PCDHGA4: variants seen among roughly 807,000 people sequenced by gnomAD.
PCDHGA4 encodes protocadherin gamma-A4.
Under a neutral mutation model 54.6 loss-of-function variants are expected in PCDHGA4, and 38 were observed. That is an observed-to-expected ratio of 0.70 (90% CI 0.54 to 0.91). The LOEUF (loss-of-function observed/expected upper bound fraction) is 0.91. PCDHGA4 is among the 40% of genes least tolerant of loss of function. The pLI is 0.00. For missense variants in PCDHGA4, 1,298 were observed against 1,220.9 expected (o/e 1.06, Z -0.94); for synonymous variants, 511 against 512.9 (o/e 1.00, Z 0.05).
chr5:141,374,574 T>C, intron 1 of PCDHGA4: 1 of 1,613,746 alleles, frequency 6.2e-7, no homozygotes, highest in Non-Finnish European at 8.5e-7. Flanking sequence ...GATGTGGGAA[T>C]GAACTCCCTT....
At chr5:141,422,716 G>T (rs1348237465) in intron 1 of PCDHGA4, 1 of 1,604,378 alleles carries the variant, frequency 6.2e-7, no homozygotes, top group African/African-American at 1.3e-5. Context: ...GGATGACACT[G>T]TCCAGGGGGT....
rs115035052 is a variant in PCDHGA4 at position 141,382,317 on chromosome 5, G to A, written c.2514+24696G>A. ...TTAATTAAAATTTATATACACTGAT[G>A]TAAATATTTTCTAAGTAAAATCTTT... On this transcript the variant is annotated intron_variant, in intron 1 of 3. Coordinates refer to ENST00000571252, the MANE Select transcript of PCDHGA4 (RefSeq NM_018917.4). Among the ~76,000 whole-genome samples the A allele has an allele frequency of 4.6e-3, 694 of 152,278 alleles. 4 individuals are homozygous for A. The highest frequency in any genetic ancestry group is 0.015 in the African/African-American group (631 of 41,554).
chr5:141,414,624 G>A (rs764233527), intron 1 of PCDHGA4: 5 of 1,613,814 alleles, frequency 3.1e-6, no homozygotes, highest in African/African-American at 2.7e-5. Flanking sequence ...CGCTGGACCC[G>A]GACAGCAAAG....
chr5:141,393,917 C>T (rs1429211009), intron 1 of PCDHGA4: 12 of 1,613,806 alleles, frequency 7.4e-6, no homozygotes, highest in Non-Finnish European at 1.7e-6. Context: ...TAATTGCCTT[C>T]TTGAGTGTGC....
At position 141,485,811 on chromosome 5, in the gene PCDHGA4, C is replaced by T; in HGVS notation, c.2515-8996C>T. 6.2e-7 allele frequency: 1 copy of T among 1,614,220 alleles called. No homozygotes were observed. The highest frequency in any genetic ancestry group is 8.5e-7 in the Non-Finnish European group (1 of 1,180,028). ...CAATCGGACTACCGCCTGGTGCTGA[C>T]TGCTGTCGATGGAGGGAACCCGCCG... On this transcript the variant is annotated intron_variant, in intron 1 of 3. Transcript: ENST00000571252. This position sits in a 1 kb window ranked among gnomAD's most constrained non-coding sequence, Gnocchi z 5.7.
chr5:141,362,666 G>C, intron 1 of PCDHGA4: 1 of 1,321,002 alleles, frequency 7.6e-7, no homozygotes, highest in South Asian at 1.5e-5. Context: ...GGCCAATGTT[G>C]TGCCTTAATT....
rs2099606006 is a variant in PCDHGA4, at chr5:141,485,058, G to A, written c.2515-9749G>A. Reference sequence around the variant, plus strand: ...TAACCCTTGCGGCGCCGGCCGAACCGCGCCAGAGCTGGCGCGGGGAAAGGG... The same window carrying A: ...TAACCCTTGCGGCGCCGGCCGAACCACGCCAGAGCTGGCGCGGGGAAAGGG... On this transcript the variant is annotated intron_variant, in intron 1 of 3. Coordinates refer to ENST00000571252, the MANE Select transcript of PCDHGA4 (RefSeq NM_018917.4). The surrounding 1 kb of genome is among the most constrained non-coding windows in gnomAD (Gnocchi z 5.7). 1 of 848,828 alleles carries A rather than the reference G, an allele frequency of 1.2e-6. No individual in the cohort carries two copies. The highest frequency in any genetic ancestry group is 1.9e-6 in the Non-Finnish European group (1 of 529,084). The allele number at this position is 848,828 out of a possible 1,614,324, so 52.6% of individuals were successfully genotyped here.
chr5:141,375,186 T>C, intron 1 of PCDHGA4: 1 of 1,613,988 alleles, frequency 6.2e-7, no homozygotes, highest in Non-Finnish European at 8.5e-7. Context: ...GTAATCGCCC[T>C]TTTTCAAGTG....
At chr5:141,480,715 G>A (rs906358826) in intron 1 of PCDHGA4, among the ~76,000 whole-genome samples, 1 of 152,124 alleles carries the variant, frequency 6.6e-6, no homozygotes, top group African/African-American at 2.4e-5. Flanking sequence ...ACAAATGAAA[G>A]CACAGTCTCT....
chr5:141,402,402 T>TTAAGATAC (rs1275769528), intron 1 of PCDHGA4, among the ~76,000 whole-genome samples: 2 of 152,012 alleles, frequency 1.3e-5, no homozygotes, highest in South Asian at 4.1e-4. Context: ...CAGAAAATTG[T>TTAAGATAC]TAAGATACAC....
At chr5:141,421,241 T>C in intron 1 of PCDHGA4, 1 of 1,600,982 alleles carries the variant, frequency 6.2e-7, no homozygotes, top group Non-Finnish European at 8.5e-7. Flanking sequence ...GCGAATCGGC[T>C]ACAGCGCGGG....
intron 1 of PCDHGA4, chr5:141,409,186 T>C: frequency 6.2e-7 from 1 of 1,614,042 alleles, no homozygotes; most frequent in Non-Finnish European, 8.5e-7. Flanking sequence ...GTGGTCTCTC[T>C]ACCCAGTGTA....
intron 1 of PCDHGA4, chr5:141,400,138 A>T: frequency 6.2e-7 from 1 of 1,614,046 alleles, no homozygotes; most frequent in Non-Finnish European, 8.5e-7. Flanking sequence ...GCTGCCGGAT[A>T]TCACTGACCG....
chr5:141,402,352 T>G (rs949706048), intron 1 of PCDHGA4, among the ~76,000 whole-genome samples: 1 of 151,978 alleles, frequency 6.6e-6, no homozygotes, highest in Non-Finnish European at 1.5e-5. Flanking sequence ...AAATTAAAAA[T>G]GAATGTACTT....
At chr5:141,422,434 T>C in intron 1 of PCDHGA4, 5 of 1,609,566 alleles carry the variant, frequency 3.1e-6, no homozygotes, top group Non-Finnish European at 3.4e-6. Context: ...TGGAAATTAT[T>C]ACAAATTGAT....
chr5:141,388,160 G>A (rs766854792), intron 1 of PCDHGA4: 9 of 1,474,272 alleles, frequency 6.1e-6, no homozygotes, highest in Non-Finnish European at 8.4e-6. Context: ...GGCTAGACAG[G>A]GAGGAGATAT....
At chr5:141,385,389 C>T in intron 1 of PCDHGA4, 2 of 1,506,522 alleles carry the variant, frequency 1.3e-6, no homozygotes, top group Non-Finnish European at 1.8e-6. Flanking sequence ...TATTATTTTG[C>T]AAAACAAATG....
chr5:141,422,331 T>C (rs768333038), intron 1 of PCDHGA4: 1 of 1,548,508 alleles, frequency 6.5e-7, no homozygotes, highest in South Asian at 1.3e-5. Context: ...CAGTGATTGC[T>C]CTTCTAAATG....
rs369637121 is a variant in PCDHGA4 at position 141,388,619 on chromosome 5, C to G, written c.2514+30998C>G. ...ATAATGCTCCAGTGTTCAGTCAAGA[C>G]GTATACAGGGTGAGCCTTTCAGAAA... On this transcript the variant is annotated intron_variant, in intron 1 of 3. Transcript: ENST00000571252. 18 of 1,613,852 alleles carry G rather than the reference C, an allele frequency of 1.1e-5. No individual in the cohort carries two copies. The African/African-American group carries it at 1.7e-4, about 16-fold the overall frequency.
Sources: allele counts gnomAD v4.1 joint callset (sites outside exome capture counted in the v4.1 genomes callset), GRCh38; gene constraint gnomAD v4.1.1; non-coding constraint Gnocchi (gnomAD v3.1); transcripts MANE v1.5; gene names NCBI Gene and HGNC (gene_info 2026-07-23, HGNC 2026-07-21).